Variants in DEPDC1 observed in about 807,000 individuals in gnomAD.
The protein encoded by DEPDC1 is DEP domain containing 1.
Under a neutral mutation model 86.8 loss-of-function variants are expected in DEPDC1, and 66 were observed. The ratio of observed to expected loss-of-function variants is 0.76; its 90% confidence interval spans 0.62 to 0.93. The LOEUF is 0.93. Ranked by LOEUF, DEPDC1 falls within the 40% of genes least tolerant of loss-of-function variation. The probability of loss-of-function intolerance (pLI) is 0.00; values close to 1 mark genes in which losing one functional copy is unlikely to be tolerated. For synonymous variants in DEPDC1, 255 were observed against 314.9 expected (o/e 0.81, Z 2.02); for missense variants, 792 against 935.7 (o/e 0.85, Z 2.00).
At chr1:68,486,497 AAACT>A (rs201357926) in intron 6 of DEPDC1, among the ~76,000 whole-genome samples, 2,300 of 152,134 alleles carry the variant, frequency 0.015, 33 homozygotes, top group Non-Finnish European at 0.024. Context: ...GCACGAGAAC[AAACT>A]AATACAATGA....
At chr1:68,495,469 G>A (rs1448852767) in intron 1 of DEPDC1, among the ~76,000 whole-genome samples, 1 of 152,184 alleles carries the variant, frequency 6.6e-6, no homozygotes, top group Non-Finnish European at 1.5e-5. Context: ...AAAGCAGAGA[G>A]ATTAATAAAA....
rs1351685400 is a variant in DEPDC1, at chr1:68,496,934, C to T, written c.48+18G>A. On this transcript the variant is annotated intron_variant, in intron 1 of 11. Transcript: ENST00000456315. The surrounding 1 kb of genome is among the most constrained non-coding windows in gnomAD (Gnocchi z 4.0). Reference sequence around the variant, plus strand: ...CCGTCAGCCCGCTGACCGGTCCCGTCTATCCGAGCTGTCTTACCAGCTTGG... The same window carrying T: ...CCGTCAGCCCGCTGACCGGTCCCGTTTATCCGAGCTGTCTTACCAGCTTGG... The T allele has an allele frequency of 6.2e-7, 1 of 1,609,990 alleles. No individual in the cohort carries two copies. The highest frequency in any genetic ancestry group is 1.1e-5 in the South Asian group (1 of 90,844).
At position 68,488,566 on chromosome 1, in the gene DEPDC1, A is replaced by T. The variant is rs1305679303; in HGVS notation, c.591-62T>A. 3.0e-6 allele frequency: 4 copies of T among 1,337,332 alleles called. No homozygotes were observed. In the Admixed American group the frequency reaches 7.2e-5, roughly 24 times the overall value. 82.8% of individuals were successfully genotyped at this position (1,337,332 alleles called of 1,614,324 possible). A position where few individuals can be genotyped will look rare whatever the true frequency, so the allele number is the denominator to read the frequency against. ...TAAATAGATTATACATATGAATATG[A>T]CTAGTAAACAAAGCCATCAGAATAT... On this transcript the variant is annotated intron_variant, in intron 4 of 11. Coordinates refer to ENST00000456315, the MANE Select transcript of DEPDC1 (RefSeq NM_001114120.3).
rs1646265984 is a variant in DEPDC1, at chr1:68,496,480, C to A, written c.48+472G>T. Among the ~76,000 whole-genome samples the A allele has an allele frequency of 6.6e-6, 1 of 152,218 alleles. No individual in the cohort carries two copies. The highest frequency in any genetic ancestry group is 1.5e-5 in the Non-Finnish European group (1 of 68,042). ...CAGCTGTTATCCTAGTGCTATTCGG[C>A]CGATACATCCTGCGTTAAATTCTAT... On this transcript the variant is annotated intron_variant, in intron 1 of 11. Coordinates refer to ENST00000456315, the MANE Select transcript of DEPDC1 (RefSeq NM_001114120.3). This position sits in a 1 kb window ranked among gnomAD's most constrained non-coding sequence, Gnocchi z 4.0.
At chr1:68,484,269 G>A (rs2100255940) in intron 6 of DEPDC1, among the ~76,000 whole-genome samples, 179 bp from the exon 7 acceptor site, 1 of 152,092 alleles carries the variant, frequency 6.6e-6, no homozygotes, top group South Asian at 2.1e-4. Flanking sequence ...TCCACTGGAA[G>A]CAGTCAATTG....
At position 68,479,150 on chromosome 1, in the gene DEPDC1, C is replaced by CT. The variant is rs1378821657; in HGVS notation, c.2105dup (p.His704ThrfsTer3). ...TAAGACTCACAATACTTACATGTCC[C>CT]TTTTTTAAGTAGTCAAGATGTTTTT... On this transcript the variant is annotated frameshift_variant, in exon 10 of 12. Transcript: ENST00000456315. LOFTEE classifies it high-confidence loss of function. 6.2e-7 allele frequency: 1 copy of CT among 1,606,768 alleles called. No homozygotes were observed.
At chr1:68,478,043 T>C in intron 10 of DEPDC1, 71 bp from the exon 11 acceptor site, 1 of 1,172,892 alleles carries the variant, frequency 8.5e-7, no homozygotes, top group South Asian at 2.2e-5. Flanking sequence ...ATTCTTTTGA[T>C]GGGATCTAGC....
intron 2 of DEPDC1, among the ~76,000 whole-genome samples, chr1:68,490,414 T>G (rs1024920712): frequency 6.6e-6 from 1 of 152,094 alleles, no homozygotes; most frequent in Non-Finnish European, 1.5e-5. Flanking sequence ...CCATCTATGT[T>G]CCTGCAAAGT....
Position 68,496,722 on chromosome 1 carries a change from C to A in DEPDC1, c.48+230G>T. On this transcript the variant is annotated intron_variant, in intron 1 of 11. Coordinates refer to ENST00000456315, the MANE Select transcript of DEPDC1 (RefSeq NM_001114120.3). This position sits in a 1 kb window ranked among gnomAD's most constrained non-coding sequence, Gnocchi z 4.0. ...TAGCGAGTCTGGTGCGGCCTACGCG[C>A]GGCGCTTCCTTTCGGACCTGAGGCC... 1 of 448,880 alleles carries A rather than the reference C, an allele frequency of 2.2e-6. No individual in the cohort carries two copies. Among genetic ancestry groups the A allele is most frequent in the South Asian group, 4.1e-5 (1 of 24,340 alleles). The allele number at this position is 448,880 out of a possible 1,614,324, so 27.8% of individuals were successfully genotyped here. A position where few individuals can be genotyped will look rare whatever the true frequency, so the allele number is the denominator to read the frequency against.
At chr1:68,491,340 A>G (rs1371912333) in intron 2 of DEPDC1, among the ~76,000 whole-genome samples, 2 of 152,216 alleles carry the variant, frequency 1.3e-5, no homozygotes, top group Non-Finnish European at 2.9e-5. Context: ...AAGCAACTCC[A>G]TTAAAAAGGG....
chr1:68,496,858 CCGAGGTAAAACTGCGAACGGT>C lies in DEPDC1; in HGVS notation c.48+73_48+93del, dbSNP rs530391062. 19 of 1,285,468 alleles carry C rather than the reference CCGAGGTAAAACTGCGAACGGT, an allele frequency of 1.5e-5. No individual in the cohort carries two copies. In the Middle Eastern group the frequency reaches 7.5e-4, roughly 51 times the overall value. The allele number at this position is 1,285,468 out of a possible 1,614,324, so 79.6% of individuals were successfully genotyped here. A position where few individuals can be genotyped will look rare whatever the true frequency, so the allele number is the denominator to read the frequency against. ...GGGATCCTGGGACTCATCCCTCCGA[CCGAGGTAAAACTGCGAACGGT>C]CGAGGTAAAACTGCGAACAGTGGTG... On this transcript the variant is annotated intron_variant, in intron 1 of 11. Transcript: ENST00000456315. The surrounding 1 kb of genome is among the most constrained non-coding windows in gnomAD (Gnocchi z 4.0).
In DEPDC1 at chr1:68,494,566, T is replaced by C. The variant is rs1571207251; in HGVS notation, c.178A>G (p.Asn60Asp). The C allele has an allele frequency of 1.2e-6, 2 of 1,613,830 alleles. No individual in the cohort carries two copies. Among genetic ancestry groups the C allele is most frequent in the East Asian group, 2.2e-5 (1 of 44,828 alleles). The change falls in exon 2 of 12, where the codon AAT becomes GAT. Residue 60 changes from asparagine to aspartate, a missense_variant. Physicochemically the swap from Asn to Asp is conservative, Grantham distance 23. Transcript: ENST00000456315. ...GTAACTTCAGGACCAAAATTGCTAT[T>C]ATTTCTTAATAGGTCATAAAGCCAA... ...VDWLYDLLRN[N>D]SNFGPEVTRQ... is the part of the protein sequence containing the mutation.
At chr1:68,482,930 AC>A (rs1033773865) in intron 7 of DEPDC1, 33 bp from the exon 8 acceptor site, 1 of 1,533,750 alleles carries the variant, frequency 6.5e-7, no homozygotes, top group African/African-American at 1.4e-5. Context: ...TTAAGATGCA[AC>A]TGTATGACAG....
At position 68,482,113 on chromosome 1, in the gene DEPDC1, G is replaced by A. The variant is rs776110439; in HGVS notation, c.1695C>T (p.Cys565=). Residue 565 remains cysteine (C), a synonymous_variant, in exon 8 of 12, where the codon TGC becomes TGT. Transcript: ENST00000456315. ...TTTCTGAAAGTTCTATTGTACTTTT[G>A]CAGAGTCTTTTATTGATTGTGGCAC... ...ESSATINKRL[C]KSTIELSENS... 3.7e-6 allele frequency: 6 copies of A among 1,610,518 alleles called. No individual in the cohort carries two copies. The highest frequency in any genetic ancestry group is 5.1e-6 in the Non-Finnish European group (6 of 1,178,582).
At position 68,488,419 on chromosome 1, in the gene DEPDC1, C is replaced by T; in HGVS notation, c.676G>A (p.Ala226Thr). The T allele has an allele frequency of 1.2e-6, 2 of 1,603,510 alleles. No individual in the cohort carries two copies. Among genetic ancestry groups the T allele is most frequent in the Non-Finnish European group, 1.7e-6 (2 of 1,176,230 alleles). ...VIPQYIMYNM[A>T]NTSKRGVVIL... ...ACTACTCCACGTTTACTTGTATTGG[C>T]CATGTTGTACATTATATATTGGGGA... The change falls in exon 5 of 12, where the codon GCC becomes ACC. Residue 226 changes from alanine to threonine, a missense_variant. Physicochemically the swap from Ala to Thr is moderately conservative, Grantham distance 58. Transcript: ENST00000456315.
intron 5 of DEPDC1, among the ~76,000 whole-genome samples, 183 bp downstream of exon 5, chr1:68,488,191 A>G (rs1646205348): frequency 6.6e-6 from 1 of 151,836 alleles, no homozygotes; most frequent in Non-Finnish European, 1.5e-5. Flanking sequence ...AATATTTCTT[A>G]TACTAGCACG....
rs987136643 is a variant in DEPDC1, at chr1:68,496,740, C to G, written c.48+212G>C. 2.1e-6 allele frequency: 1 copy of G among 482,986 alleles called. No individual in the cohort carries two copies. The highest frequency in any genetic ancestry group is 3.7e-6 in the Non-Finnish European group (1 of 270,508). The allele number at this position is 482,986 out of a possible 1,614,324, so 29.9% of individuals were successfully genotyped here. On this transcript the variant is annotated intron_variant, in intron 1 of 11. Transcript: ENST00000456315. The surrounding 1 kb of genome is among the most constrained non-coding windows in gnomAD (Gnocchi z 4.0). ...CTACGCGCGGCGCTTCCTTTCGGAC[C>G]TGAGGCCCAGACCCTCAAAATAGAG...
In DEPDC1 at chr1:68,497,062, G is replaced by T; in HGVS notation, c.-63C>A. On this transcript the variant is annotated 5_prime_UTR_variant, in exon 1 of 12. Transcript: ENST00000456315. ...GGCGACACTCAGGCCCAGCGGCCGC[G>T]GCAGTGGCGAGTCTCGGCACAACCG... is the stretch of plus-strand genomic sequence containing the variant. The T allele has an allele frequency of 6.3e-7, 1 of 1,576,432 alleles. No individual in the cohort carries two copies. Among genetic ancestry groups the T allele is most frequent in the Non-Finnish European group, 8.7e-7 (1 of 1,149,412 alleles).
intron 4 of DEPDC1, 27 bp downstream of exon 4, chr1:68,488,889 C>T (rs1297661692): frequency 7.5e-7 from 1 of 1,331,920 alleles, no homozygotes; most frequent in Admixed American, 1.7e-5. Context: ...ACATCAGGAA[C>T]TTCATTAAAG....
Sources: allele counts gnomAD v4.1 joint callset (sites outside exome capture counted in the v4.1 genomes callset), GRCh38; gene constraint gnomAD v4.1.1; non-coding constraint Gnocchi (gnomAD v3.1); transcripts MANE v1.5; gene names NCBI Gene and HGNC (gene_info 2026-07-23, HGNC 2026-07-21).